ZDHHC14: variants seen among roughly 807,000 people sequenced by gnomAD.
ZDHHC14 encodes palmitoyltransferase ZDHHC14.
ZDHHC14 carries 16 observed loss-of-function variants against 47.7 expected under a neutral mutation model. That is an observed-to-expected ratio of 0.34 (90% CI 0.23 to 0.51). The LOEUF (loss-of-function observed/expected upper bound fraction) is 0.51. Among genes scored for constraint, ZDHHC14 ranks in the 20% least tolerant of loss-of-function variants. The pLI, the probability that ZDHHC14 is intolerant of heterozygous loss-of-function variation, is 0.97. For synonymous variants in ZDHHC14, 293 were observed against 278.9 expected (o/e 1.05, Z -0.50); for missense variants, 515 against 662.5 (o/e 0.78, Z 2.44).
At chr6:157,405,699 A>T (rs1300938607) in intron 1 of ZDHHC14, among the ~76,000 whole-genome samples, 1 of 152,214 alleles carries the variant, frequency 6.6e-6, no homozygotes, top group Non-Finnish European at 1.5e-5. Flanking sequence ...AAGCAACTGT[A>T]TTTTGAGCAA....
intron 1 of ZDHHC14, among the ~76,000 whole-genome samples, chr6:157,383,733 C>T (rs907875446): frequency 6.6e-6 from 1 of 152,174 alleles, no homozygotes. Context: ...CCCGGGTCCC[C>T]CTTGATGTTT....
At chr6:157,388,479 A>T (rs1024380745) in intron 1 of ZDHHC14, among the ~76,000 whole-genome samples, 5 of 152,174 alleles carry the variant, frequency 3.3e-5, no homozygotes, top group Non-Finnish European at 7.3e-5. Context: ...TAAGAGTTGC[A>T]AGGAAGTGCA....
intron 1 of ZDHHC14, among the ~76,000 whole-genome samples, chr6:157,467,581 A>C (rs1779250875): frequency 6.7e-6 from 1 of 149,892 alleles, no homozygotes; most frequent in African/African-American, 2.5e-5. Flanking sequence ...ATGGAGCCTC[A>C]CTCTATTGCC....
intron 1 of ZDHHC14, among the ~76,000 whole-genome samples, chr6:157,535,721 G>A (rs1781526085): frequency 1.3e-5 from 2 of 152,178 alleles, no homozygotes; most frequent in Non-Finnish European, 2.9e-5. Flanking sequence ...TCGTGATCTT[G>A]TAGGGGAATG....
chr6:157,658,090 A>T (rs1778181464), intron 8 of ZDHHC14, among the ~76,000 whole-genome samples: 1 of 152,194 alleles, frequency 6.6e-6, no homozygotes, highest in East Asian at 1.9e-4. Context: ...TATTATTATT[A>T]TCCCCCTGAG....
At chr6:157,591,492 G>A (rs891736007) in intron 2 of ZDHHC14, among the ~76,000 whole-genome samples, 2 of 152,146 alleles carry the variant, frequency 1.3e-5, no homozygotes, top group Non-Finnish European at 2.9e-5. Flanking sequence ...CCATGTGAAG[G>A]ACATGTTTGC....
chr6:157,662,490 G>T (rs1272305074), intron 8 of ZDHHC14, among the ~76,000 whole-genome samples: 1 of 152,254 alleles, frequency 6.6e-6, no homozygotes, highest in Non-Finnish European at 1.5e-5. Flanking sequence ...CCTGGAGGTG[G>T]TTTTTAAACG....
rs1226868034 is a variant in ZDHHC14, at chr6:157,653,702, C to G, written c.1068+75C>G. On this transcript the variant is annotated intron_variant, in intron 8 of 8. Coordinates refer to ENST00000359775, the MANE Select transcript of ZDHHC14 (RefSeq NM_024630.3). ...TGCTCACTAACAGGCCACCAAGCAG[C>G]CTTCCTAGCAAACCTCCCCAGGAGC... 4.8e-6 allele frequency: 7 copies of G among 1,471,216 alleles called. No individual in the cohort carries two copies. In the African/African-American group the frequency reaches 7.0e-5, roughly 15 times the overall value. The allele number at this position is 1,471,216 out of a possible 1,614,324, so 91.1% of individuals were successfully genotyped here.
In ZDHHC14 at chr6:157,550,515, C is replaced by T. The variant is rs548125448; in HGVS notation, c.406+7770C>T. ...CACAGGCACTCTAGAGAGACCACAG[C>T]GTCACACAGGCACTCCAGAGAGACC... On this transcript the variant is annotated intron_variant, in intron 2 of 8. Coordinates refer to ENST00000359775, the MANE Select transcript of ZDHHC14 (RefSeq NM_024630.3). Among the ~76,000 whole-genome samples, 20 of 134,976 alleles carry T rather than the reference C, an allele frequency of 1.5e-4. No homozygotes were observed. In the South Asian group the frequency reaches 4.2e-3, roughly 28 times the overall value. 88.5% of individuals were successfully genotyped at this position (134,976 alleles called of 152,430 possible).
intron 5 of ZDHHC14, among the ~76,000 whole-genome samples, chr6:157,639,114 A>G (rs189475037): frequency 1.1e-3 from 172 of 152,354 alleles, no homozygotes; most frequent in Admixed American, 4.4e-3. Flanking sequence ...GTGAGCACAC[A>G]GGTGCACTTA....
rs138715418 is a variant in ZDHHC14 at position 157,637,578 on chromosome 6, C to T, written c.752+4696C>T. ...CTCCAAATCTGTACTCCATCCAGAG[C>T]AAGAATCTGTAAAGTCCCAAGTTTT... On this transcript the variant is annotated intron_variant, in intron 5 of 8. Coordinates refer to ENST00000359775, the MANE Select transcript of ZDHHC14 (RefSeq NM_024630.3). 8.2e-3 allele frequency among the ~76,000 whole-genome samples: 1,243 copies of T among 152,262 alleles called. 19 individuals carry two copies. Among genetic ancestry groups the T allele is most frequent in the African/African-American group, 0.029 (1,206 of 41,528 alleles).
intron 2 of ZDHHC14, among the ~76,000 whole-genome samples, chr6:157,548,203 A>T (rs1317581345): frequency 6.6e-6 from 1 of 152,034 alleles, no homozygotes; most frequent in Non-Finnish European, 1.5e-5. Flanking sequence ...AGATTTTCTG[A>T]ACATTTCCCC....
chr6:157,511,483 C>A (rs1351233225), intron 1 of ZDHHC14, among the ~76,000 whole-genome samples: 1 of 150,846 alleles, frequency 6.6e-6, no homozygotes, highest in Non-Finnish European at 1.5e-5. Flanking sequence ...CGGGTTCAAG[C>A]GATTCTCCTG....
Position 157,381,264 on chromosome 6 carries a change from G to A in ZDHHC14, c.-758G>A, listed in dbSNP as rs993669950. 3.1e-4 allele frequency: 47 copies of A among 150,140 alleles called. No individual in the cohort carries two copies. Among genetic ancestry groups the A allele is most frequent in the African/African-American group, 1.1e-3 (44 of 40,678 alleles). 9.3% of individuals were successfully genotyped at this position (150,140 alleles called of 1,614,324 possible). The stretch of plus-strand genomic sequence containing the variant: ...CCGGGGCCGCTTCCTCCGGGTAGGA[G>A]GGAGCAAGGGAGCCCTCGCCGCGCG... On this transcript the variant is annotated 5_prime_UTR_variant, in exon 1 of 9. Transcript: ENST00000359775.
chr6:157,465,959 T>C (rs1225465081), intron 1 of ZDHHC14, among the ~76,000 whole-genome samples: 1 of 151,964 alleles, frequency 6.6e-6, no homozygotes, highest in Non-Finnish European at 1.5e-5. Context: ...CGAAAATCAC[T>C]TGAACCCGGG....
intron 1 of ZDHHC14, among the ~76,000 whole-genome samples, chr6:157,533,615 C>T (rs1330754131): frequency 2.0e-5 from 3 of 152,170 alleles, no homozygotes. Context: ...AAAGAGGTCA[C>T]AGGAGCCAGA....
intron 1 of ZDHHC14, among the ~76,000 whole-genome samples, chr6:157,382,845 A>G (rs1777242287): frequency 6.6e-6 from 1 of 152,192 alleles, no homozygotes; most frequent in Non-Finnish European, 1.5e-5. Context: ...AGCCTCCTAC[A>G]TGCTCACTCT....
intron 1 of ZDHHC14, among the ~76,000 whole-genome samples, chr6:157,400,234 C>T (rs112851331): frequency 4.6e-5 from 7 of 152,346 alleles, no homozygotes; most frequent in Admixed American, 3.9e-4. Flanking sequence ...CCACCAGCCA[C>T]AGCTCTGCAG....
intron 3 of ZDHHC14, among the ~76,000 whole-genome samples, chr6:157,595,988 G>A (rs1385938152): frequency 6.6e-6 from 1 of 152,224 alleles, no homozygotes; most frequent in Non-Finnish European, 1.5e-5. Flanking sequence ...CACACCGCAA[G>A]CCGCGGCCTC....
Sources: gnomAD v4.1 joint callset for allele counts (sites outside exome capture counted in the v4.1 genomes callset) on GRCh38, gnomAD v4.1.1 for gene constraint, MANE v1.5 for transcripts, NCBI Gene and HGNC (gene_info 2026-07-23, HGNC 2026-07-21) for gene names.